The following GPR180 variants were observed in gnomAD, a reference collection of about 807,000 sequenced individuals.
GPR180 encodes integral membrane protein GPR180.
In GPR180, 53 loss-of-function variants were observed where a neutral mutation model predicts 52.6. That is an observed-to-expected ratio of 1.01 (90% confidence interval 0.81 to 1.27). The LOEUF is 1.27. Ranked by LOEUF, GPR180 falls within the 50% of genes most tolerant of loss-of-function variation. GPR180 has a pLI of 0.00. For synonymous variants in GPR180, 200 were observed against 193.1 expected, an observed-to-expected ratio of 1.04 and a Z score of -0.30; for missense variants, 533 against 527.0, an observed-to-expected ratio of 1.01 and a Z score of -0.11.
In GPR180 at chr13:94,633,152, G is replaced by A. The variant is rs1031910284; in HGVS notation, c.*5981G>A. On this transcript the variant is annotated 3_prime_UTR_variant, in exon 9 of 9. Transcript: ENST00000376958. ...TTTAATTATAGAACCTGAAGGTATTGTGGGGACCCCTGAACTTGCAGCCAG... is the reference window on the plus strand; with the variant it reads ...TTTAATTATAGAACCTGAAGGTATTATGGGGACCCCTGAACTTGCAGCCAG... 2 of 152,204 alleles carry A rather than the reference G, an allele frequency of 1.3e-5. No homozygotes were observed. The highest frequency in any genetic ancestry group is 4.8e-5 in the African/African-American group (2 of 41,434). The allele number at this position is 152,204 out of a possible 1,614,324, so 9.4% of individuals were successfully genotyped here.
chr13:94,612,342 C>T lies in GPR180; in HGVS notation c.457C>T (p.Pro153Ser), dbSNP rs759367943. The stretch of plus-strand genomic sequence containing the variant: ...CCCATTTGAAATGGTGTTACTAAAC[C>T]CAGATGCCGAAGGGAATCCATTTGA... ...DIPFEMVLLN[P>S]DAEGNPFDHF... The change falls in exon 3 of 9, where the codon CCA becomes TCA. Residue 153 changes from proline (P) to serine (S), a missense_variant. Pro to Ser is a moderately conservative substitution (Grantham distance 74). Coordinates refer to ENST00000376958, the MANE Select transcript of GPR180 (RefSeq NM_180989.6). The T allele has an allele frequency of 1.2e-6, 2 of 1,613,594 alleles. No homozygotes were observed. The highest frequency in any genetic ancestry group is 1.7e-5 in the Admixed American group (1 of 60,010).
chr13:94,615,190 T>A lies in GPR180; in HGVS notation c.505+2800T>A, dbSNP rs183208761. ...CTAAAAGTCCATATTTCACATTGTTTTAGTAATGTGTTTTAAAATACAGCC... is the reference window on the plus strand; with the variant it reads ...CTAAAAGTCCATATTTCACATTGTTATAGTAATGTGTTTTAAAATACAGCC... On this transcript the variant is annotated intron_variant, in intron 3 of 8. Transcript: ENST00000376958. Among the ~76,000 whole-genome samples, 3 of 152,348 alleles carry A rather than the reference T, an allele frequency of 2.0e-5. No homozygotes were observed. In the East Asian group the frequency reaches 5.8e-4, roughly 29 times the overall value.
At position 94,623,216 on chromosome 13, in the gene GPR180, A is replaced by G. The variant is rs1307915528; in HGVS notation, c.1002A>G (p.Ala334=). The stretch of plus-strand genomic sequence containing the variant: ...TAATTGTTCTAAGAATTTGCCTAGC[A>G]TTGTCATTAGGCTGTGGACTCTATC... ...ILLIVLRICL[A]LSLGCGLYQI... The change falls in exon 7 of 9, where the codon GCA becomes GCG. Residue 334 remains alanine, a synonymous_variant. Transcript: ENST00000376958. The G allele has an allele frequency of 2.5e-6, 4 of 1,613,752 alleles. No homozygotes were observed. Among genetic ancestry groups the G allele is most frequent in the African/African-American group, 2.7e-5 (2 of 74,922 alleles).
rs540190152 is a variant in GPR180 at position 94,610,818 on chromosome 13, C to T, written c.305-1372C>T. 4.6e-5 allele frequency among the ~76,000 whole-genome samples: 7 copies of T among 152,334 alleles called. 1 individual carries two copies. The Middle Eastern group carries it at 0.01, about 222-fold the overall frequency. On this transcript the variant is annotated intron_variant, in intron 2 of 8. Coordinates refer to ENST00000376958, the MANE Select transcript of GPR180 (RefSeq NM_180989.6). ...CATGAGGTTCAACACAGCCCCCCTCCAAGTATCTAACCAGCTATTGTGACA... is the reference window on the plus strand; with the variant it reads ...CATGAGGTTCAACACAGCCCCCCTCTAAGTATCTAACCAGCTATTGTGACA...
At chr13:94,605,749 G>A (rs1215634185) in intron 2 of GPR180, among the ~76,000 whole-genome samples, 200 bp downstream of exon 2, 2 of 152,050 alleles carry the variant, frequency 1.3e-5, no homozygotes, top group Non-Finnish European at 2.9e-5. Context: ...AAAAAATCCA[G>A]ATAATTTATA....
intron 7 of GPR180, 48 bp downstream of exon 7, chr13:94,623,348 C>G (rs749364192): frequency 1.4e-6 from 2 of 1,460,890 alleles, no homozygotes; most frequent in Non-Finnish European, 1.9e-6. Flanking sequence ...CCACTTGGTT[C>G]TGGTTTCTTT....
intron 3 of GPR180, among the ~76,000 whole-genome samples, chr13:94,615,419 T>A (rs1159292247): frequency 6.6e-6 from 1 of 152,206 alleles, no homozygotes; most frequent in Non-Finnish European, 1.5e-5. Context: ...TGCAGATAGT[T>A]GCAATTAATG....
chr13:94,601,916 C>T lies in GPR180; in HGVS notation c.-12C>T, dbSNP rs969889528. On this transcript the variant is annotated 5_prime_UTR_variant, in exon 1 of 9. Transcript: ENST00000376958. Reference sequence around the variant, plus strand: ...TGGGAGCCGAGGCGTCGGTGCAGACCTGGAGACGGGCATGGGGGGGCTGCG... The same window carrying T: ...TGGGAGCCGAGGCGTCGGTGCAGACTTGGAGACGGGCATGGGGGGGCTGCG... 4 of 1,479,160 alleles carry T rather than the reference C, an allele frequency of 2.7e-6. No individual in the cohort carries two copies. In the Admixed American group the frequency reaches 6.9e-5, roughly 26 times the overall value. The allele number at this position is 1,479,160 out of a possible 1,614,324, so 91.6% of individuals were successfully genotyped here.
chr13:94,618,420 A>ATTTGTTTTTTTTTTTT (rs1889805988), intron 3 of GPR180, among the ~76,000 whole-genome samples: 1 of 87,156 alleles, frequency 1.1e-5, no homozygotes, highest in Non-Finnish European at 2.1e-5. Context: ...TCAGCACAGG[A>ATTTGTTTTTTTTTTTT]TTTTTTTTTT....
chr13:94,621,813 C>T (rs1222042767), intron 6 of GPR180, among the ~76,000 whole-genome samples: 3 of 151,342 alleles, frequency 2.0e-5, no homozygotes, highest in Admixed American at 1.3e-4. Flanking sequence ...TTATTTTCCT[C>T]TATATTAATA....
At chr13:94,612,163 C>T (rs775806612) in intron 2 of GPR180, 27 bp from the exon 3 acceptor site, 1 of 1,569,824 alleles carries the variant, frequency 6.4e-7, no homozygotes, top group African/African-American at 1.4e-5. Flanking sequence ...AATTTTGTTA[C>T]AAAAGGTGTT....
At chr13:94,619,439 A>G (rs1447618197) in intron 4 of GPR180, 29 bp from the exon 5 acceptor site, 1 of 1,607,668 alleles carries the variant, frequency 6.2e-7, no homozygotes, top group East Asian at 2.2e-5. Context: ...CACATTTGTA[A>G]TTTACACTAC....
Position 94,605,458 on chromosome 13 carries a change from C to T in GPR180, c.213C>T (p.Leu71=). Residue 71 remains leucine, a synonymous_variant, in exon 2 of 9, where the codon CTC becomes CTT. Transcript: ENST00000376958. ...TAGCTGTTGGAAAAGAAGCTAAACT[C>T]TACCTGTTCCAAGCCCAGGAATGGC... is the stretch of plus-strand genomic sequence containing the variant. ...IAVAVGKEAK[L]YLFQAQEWLK... The T allele has an allele frequency of 6.2e-7, 1 of 1,614,002 alleles. No individual in the cohort carries two copies. The highest frequency in any genetic ancestry group is 8.5e-7 in the Non-Finnish European group (1 of 1,179,896).
In GPR180 at chr13:94,631,582, C is replaced by G. The variant is rs1044165818; in HGVS notation, c.*4411C>G. On this transcript the variant is annotated 3_prime_UTR_variant, in exon 9 of 9. Transcript: ENST00000376958. ...TTTAAGTGAGTTTGTCTCTATTGTT[C>G]ATTGCTGTATGCCTAATACTAGGAC... 10 of 147,626 alleles carry G rather than the reference C, an allele frequency of 6.8e-5. No individual in the cohort carries two copies. Among genetic ancestry groups the G allele is most frequent in the Non-Finnish European group, 1.0e-4 (7 of 67,170 alleles). 9.1% of individuals were successfully genotyped at this position (147,626 alleles called of 1,614,324 possible).
At chr13:94,624,148 G>GT (rs201727761) in intron 7 of GPR180, among the ~76,000 whole-genome samples, 2 of 151,806 alleles carry the variant, frequency 1.3e-5, no homozygotes, top group African/African-American at 2.4e-5. Context: ...AGCAAATTCA[G>GT]TTTTTTTTCT....
rs779180788 is a variant in GPR180 at position 94,619,183 on chromosome 13, T to C, written c.539T>C (p.Val180Ala). The change falls in exon 4 of 9, where the codon GTG becomes GCG. Residue 180 changes from valine to alanine, a missense_variant. Physicochemically the swap from Val to Ala is moderately conservative, Grantham distance 64. Transcript: ENST00000376958. ...GAGTTCTTTTTCCTCCTAGTCCTAG[T>C]GTACTTTGTGATTGCTTGCATTTAT... ...LHEFFFLLVLVYFVIACIYAQ... is the reference protein window; with the variant it reads ...LHEFFFLLVLAYFVIACIYAQ... 3 of 1,614,104 alleles carry C rather than the reference T, an allele frequency of 1.9e-6. No individual in the cohort carries two copies. The highest frequency in any genetic ancestry group is 2.5e-6 in the Non-Finnish European group (3 of 1,179,998).
chr13:94,609,330 T>G (rs572910592), intron 2 of GPR180, among the ~76,000 whole-genome samples: 2 of 152,334 alleles, frequency 1.3e-5, no homozygotes, highest in South Asian at 4.1e-4. Flanking sequence ...AGAATATGCA[T>G]GCTGTGTTGT....
rs141527479 is a variant in GPR180, at chr13:94,607,985, A to G, written c.304+2436A>G. Reference sequence around the variant, plus strand: ...ATCTCAAAGACTTTTTCTATCTCCAACAAAAACTTACTAGGCAGTTTAAAG... The same window carrying G: ...ATCTCAAAGACTTTTTCTATCTCCAGCAAAAACTTACTAGGCAGTTTAAAG... On this transcript the variant is annotated intron_variant, in intron 2 of 8. Coordinates refer to ENST00000376958, the MANE Select transcript of GPR180 (RefSeq NM_180989.6). 7.2e-5 allele frequency among the ~76,000 whole-genome samples: 11 copies of G among 152,302 alleles called. No individual in the cohort carries two copies. In the East Asian group the frequency reaches 2.1e-3, roughly 29 times the overall value.
In GPR180 at chr13:94,601,872, G is replaced by T; in HGVS notation, c.-56G>T. ...CGCCTCCCCCAGCTGCCGACGTGGG[G>T]CGGGCAGCCGCCGGCGGCTGGGAGC... On this transcript the variant is annotated 5_prime_UTR_variant, in exon 1 of 9. Transcript: ENST00000376958. 1 of 1,334,630 alleles carries T rather than the reference G, an allele frequency of 7.5e-7. No homozygotes were observed. The highest frequency in any genetic ancestry group is 9.6e-7 in the Non-Finnish European group (1 of 1,042,046). The allele number at this position is 1,334,630 out of a possible 1,614,324, so 82.7% of individuals were successfully genotyped here. A position where few individuals can be genotyped will look rare whatever the true frequency, so the allele number is the denominator to read the frequency against.
Sources: gnomAD v4.1 joint callset for allele counts (sites outside exome capture counted in the v4.1 genomes callset) on GRCh38, gnomAD v4.1.1 for gene constraint, MANE v1.5 for transcripts, NCBI Gene and HGNC (gene_info 2026-07-23, HGNC 2026-07-21) for gene names.